The following BICRAL variants were observed in gnomAD, a reference collection of about 807,000 sequenced individuals.
BICRAL encodes BRD4-interacting chromatin-remodeling complex-associated protein-like.
Under a neutral mutation model 91.8 loss-of-function variants are expected in BICRAL, and 8 were observed. That is an observed-to-expected ratio of 0.09 (90% CI 0.05 to 0.16). BICRAL has a LOEUF of 0.16. Among genes scored for constraint, BICRAL ranks in the 10% least tolerant of loss-of-function variants. The pLI, the probability that BICRAL is intolerant of heterozygous loss-of-function variation, is 1.00. For synonymous variants in BICRAL, 445 were observed against 491.1 expected (o/e 0.91, Z 1.24); for missense variants, 1,038 against 1,310.9 (o/e 0.79, Z 3.21).
In BICRAL at chr6:42,857,170, G is replaced by C. The variant is rs771291808; in HGVS notation, c.2188G>C (p.Val730Leu). The C allele has an allele frequency of 6.2e-7, 1 of 1,613,364 alleles. No individual in the cohort carries two copies. The highest frequency in any genetic ancestry group is 2.2e-5 in the East Asian group (1 of 44,880). ...KSHFRSLSDAVQRLLSYHVCQ... is the reference protein window; with the variant it reads ...KSHFRSLSDALQRLLSYHVCQ... ...TCACTTCCGATCACTAAGTGATGCGGTACAGAGACTGCTCTCCTACCACGT... is the reference window on the plus strand; with the variant it reads ...TCACTTCCGATCACTAAGTGATGCGCTACAGAGACTGCTCTCCTACCACGT... The change falls in exon 10 of 13, where the codon GTA becomes CTA. Residue 730 changes from valine (V) to leucine (L), a missense_variant. Coordinates refer to ENST00000314073, the MANE Select transcript of BICRAL (RefSeq NM_001393499.1).
At chr6:42,862,134 C>G (rs1316217662) in intron 11 of BICRAL, among the ~76,000 whole-genome samples, 3 of 151,782 alleles carry the variant, frequency 2.0e-5, no homozygotes, top group African/African-American at 7.2e-5. Context: ...GTCAAGAGTT[C>G]AAAAAGATTT....
chr6:42,761,880 C>T lies in BICRAL; in HGVS notation c.-261+14857C>T, dbSNP rs549433578. Among the ~76,000 whole-genome samples, 23 of 151,942 alleles carry T rather than the reference C, an allele frequency of 1.5e-4. 1 individual carries two copies. In the South Asian group the frequency reaches 4.6e-3, roughly 30 times the overall value. On this transcript the variant is annotated intron_variant, in intron 1 of 14. Coordinates refer to the BICRAL transcript ENST00000614467. The stretch of plus-strand genomic sequence containing the variant: ...AGCGAGCCATGATTGCATCACTGCA[C>T]TCTATCCTGGGTGACCTTGTCTCAA...
At chr6:42,801,573 T>C (rs1227094391) in intron 1 of BICRAL, among the ~76,000 whole-genome samples, 2 of 152,148 alleles carry the variant, frequency 1.3e-5, no homozygotes, top group South Asian at 4.1e-4. Flanking sequence ...GTATTGCTTT[T>C]ATTTCATTTA....
chr6:42,816,128 G>A (rs1306625771), intron 2 of BICRAL, among the ~76,000 whole-genome samples: 2 of 151,610 alleles, frequency 1.3e-5, no homozygotes, highest in Non-Finnish European at 2.9e-5. Flanking sequence ...GGAGACCAAG[G>A]TGGAGGATCA....
upstream of BICRAL, among the ~76,000 whole-genome samples, chr6:42,780,860 C>T (rs973633357): frequency 6.6e-6 from 1 of 152,006 alleles, no homozygotes; most frequent in African/African-American, 2.4e-5. Context: ...CCTCAGCCTC[C>T]CGAGTAGCTG....
At chr6:42,792,730 TGAA>T (rs1296314537) in intron 1 of BICRAL, among the ~76,000 whole-genome samples, 1 of 151,822 alleles carries the variant, frequency 6.6e-6, no homozygotes. Flanking sequence ...CTGGCCAACA[TGAA>T]GAAACCCCAT....
chr6:42,853,784 G>T, intron 8 of BICRAL, 46 bp downstream of exon 8: 1 of 1,324,472 alleles, frequency 7.6e-7, no homozygotes, highest in South Asian at 1.2e-5. Context: ...CGGCATAATT[G>T]AATGAAAATG....
rs769460548 is a variant in BICRAL, at chr6:42,822,996, A to G, written c.152A>G (p.Asn51Ser). 1.8e-5 allele frequency: 28 copies of G among 1,597,304 alleles called. No individual in the cohort carries two copies. The Admixed American group carries it at 4.3e-4, about 25-fold the overall frequency. Reference protein sequence around the residue: ...SAANSNSIFANSSNADPKSSL... With the variant: ...SAANSNSIFASSSNADPKSSL... Reference sequence around the variant, plus strand: ...GCCAATTCAAATTCAATTTTCGCCAACTCTAGTGTGAGTATTGGAAACTAA... The same window carrying G: ...GCCAATTCAAATTCAATTTTCGCCAGCTCTAGTGTGAGTATTGGAAACTAA... Residue 51 changes from asparagine (N) to serine (S), a missense_variant, in exon 5 of 13, where the codon AAC becomes AGC. Coordinates refer to ENST00000314073, the MANE Select transcript of BICRAL (RefSeq NM_001393499.1).
chr6:42,813,681 C>T (rs539930984), intron 2 of BICRAL, among the ~76,000 whole-genome samples: 1 of 152,118 alleles, frequency 6.6e-6, no homozygotes, highest in African/African-American at 2.4e-5. Flanking sequence ...CCACCATGCC[C>T]AGCTAATTTT....
At chr6:42,816,935 A>ACCT (rs777955516) in intron 2 of BICRAL, among the ~76,000 whole-genome samples, 1 of 149,532 alleles carries the variant, frequency 6.7e-6, no homozygotes, top group South Asian at 2.1e-4. Context: ...AATGGTGTGA[A>ACCT]CCTGGGAGGC....
At chr6:42,773,238 C>G (rs1358120513) in intron 1 of BICRAL, among the ~76,000 whole-genome samples, 3 of 151,866 alleles carry the variant, frequency 2.0e-5, no homozygotes, top group Non-Finnish European at 4.4e-5. Context: ...GCCATCATGC[C>G]CAGCTAATTT....
Position 42,868,213 on chromosome 6 carries a change from T to G in BICRAL, c.*2767T>G, listed in dbSNP as rs776718718. The stretch of plus-strand genomic sequence containing the variant: ...AAAGAAATATTTTAGCTCTGAAGGA[T>G]TTAGTAGATTCTGTTAGATTAGGGA... On this transcript the variant is annotated 3_prime_UTR_variant, in exon 13 of 13. Transcript: ENST00000314073. The G allele has an allele frequency of 3.9e-5, 6 of 152,688 alleles. No individual in the cohort carries two copies. The highest frequency in any genetic ancestry group is 7.4e-5 in the Non-Finnish European group (5 of 68,020). The allele number at this position is 152,688 out of a possible 1,614,324, so 9.5% of individuals were successfully genotyped here. A position where few individuals can be genotyped will look rare whatever the true frequency, so the allele number is the denominator to read the frequency against.
In BICRAL at chr6:42,848,144, A is replaced by C. The variant is rs565996293; in HGVS notation, c.1840-3948A>C. ...ACTCTGTCTCAAAAAGAAAAAAAAAACAGAAAACAGAAAAAGAAAATCGCT... is the reference window on the plus strand; with the variant it reads ...ACTCTGTCTCAAAAAGAAAAAAAAACCAGAAAACAGAAAAAGAAAATCGCT... On this transcript the variant is annotated intron_variant, in intron 6 of 12. Transcript: ENST00000314073. Among the ~76,000 whole-genome samples the C allele has an allele frequency of 2.4e-3, 363 of 151,286 alleles. 1 individual carries two copies. The highest frequency in any genetic ancestry group is 7.4e-3 in the African/African-American group (306 of 41,198).
intron 1 of BICRAL, among the ~76,000 whole-genome samples, chr6:42,790,793 C>A (rs918464697): frequency 2.0e-5 from 3 of 151,938 alleles, no homozygotes; most frequent in African/African-American, 7.3e-5. Flanking sequence ...TGCGTTTCTG[C>A]ATGGCATGGC....
rs760995044 is a variant in BICRAL, at chr6:42,865,112, A to G, written c.2906A>G (p.Asn969Ser). 1.2e-6 allele frequency: 2 copies of G among 1,614,174 alleles called. No individual in the cohort carries two copies. The highest frequency in any genetic ancestry group is 4.5e-5 in the East Asian group (2 of 44,884). Residue 969 changes from asparagine to serine, a missense_variant, in exon 13 of 13, where the codon AAC (asparagine) becomes AGC (serine). Physicochemically the swap from Asn to Ser is conservative, Grantham distance 46. Coordinates refer to ENST00000314073, the MANE Select transcript of BICRAL (RefSeq NM_001393499.1). ...GATTCGCACTTGGAGATGACGTGTA[A>G]CAATTCCTTCCAGGACAAAAGTCTG... The part of the protein sequence containing the change: ...LADSHLEMTC[N>S]NSFQDKSLRN...
At chr6:42,783,474 C>G (rs1256770455) in intron 1 of BICRAL, among the ~76,000 whole-genome samples, 2 of 152,190 alleles carry the variant, frequency 1.3e-5, no homozygotes, top group Non-Finnish European at 1.5e-5. Context: ...TGGGCCTGGC[C>G]TGTCGCCAGG....
At chr6:42,836,906 C>T (rs1764653119) in intron 6 of BICRAL, among the ~76,000 whole-genome samples, 2 of 151,156 alleles carry the variant, frequency 1.3e-5, no homozygotes, top group South Asian at 4.2e-4. Context: ...AGGTGTGAGA[C>T]ACTGTGCCTG....
chr6:42,856,760 G>A (rs563787468), intron 9 of BICRAL, among the ~76,000 whole-genome samples: 3 of 152,166 alleles, frequency 2.0e-5, no homozygotes, highest in South Asian at 4.1e-4. Flanking sequence ...AATCTCTGAG[G>A]AAAAGCGTGG....
rs1265551511 is a variant in BICRAL at position 42,829,831 on chromosome 6, C to G, written c.1498C>G (p.Pro500Ala). The G allele has an allele frequency of 6.2e-7, 1 of 1,614,192 alleles. No homozygotes were observed. The highest frequency in any genetic ancestry group is 8.5e-7 in the Non-Finnish European group (1 of 1,180,040). The change falls in exon 6 of 13, where the codon CCC becomes GCC. Residue 500 changes from proline (P) to alanine (A), a missense_variant. Physicochemically the swap from Pro to Ala is conservative, Grantham distance 27. Coordinates refer to ENST00000314073, the MANE Select transcript of BICRAL (RefSeq NM_001393499.1). ...TCCTCAGCTTGTGGGTGGACAGATG[C>G]CCTTGCAGCAGGCATCCCCAACTGT... is the stretch of plus-strand genomic sequence containing the variant. ...ASPQLVGGQM[P>A]LQQASPTVLH...
Sources: allele counts gnomAD v4.1 joint callset (sites outside exome capture counted in the v4.1 genomes callset), GRCh38; gene constraint gnomAD v4.1.1; transcripts MANE v1.5; gene names NCBI Gene and HGNC (gene_info 2026-07-23, HGNC 2026-07-21).